DPYSL2: variants seen among roughly 807,000 people sequenced by gnomAD.
DPYSL2 encodes the protein dihydropyrimidinase like 2, also known as dihydropyrimidinase-related protein 2.
Under a neutral mutation model 69.9 loss-of-function variants are expected in DPYSL2, and 13 were observed. The observed-to-expected ratio is 0.19, with a 90% CI of 0.12 to 0.30. The LOEUF (loss-of-function observed/expected upper bound fraction) is 0.30. Among genes scored for constraint, DPYSL2 ranks in the 10% least tolerant of loss-of-function variants. The probability of loss-of-function intolerance (pLI) is 1.00; values close to 1 mark genes in which losing one functional copy is unlikely to be tolerated. For missense variants in DPYSL2, 587 were observed against 918.9 expected (o/e 0.64, Z 4.67); for synonymous variants, 326 against 359.1 (o/e 0.91, Z 1.04).
chr8:26,655,802 T>A lies in DPYSL2; in HGVS notation c.*96T>A. On this transcript the variant is annotated 3_prime_UTR_variant, in exon 14 of 14. Transcript: ENST00000521913. ...TCCTTCCTTTTTTTTTTTTTGTTTT[T>A]TTTTTTAAGAGCCTGTGATAGTTAC... 4 of 1,227,374 alleles carry A rather than the reference T, an allele frequency of 3.3e-6. No individual in the cohort carries two copies. The highest frequency in any genetic ancestry group is 4.4e-6 in the Non-Finnish European group (4 of 913,760). 76.0% of individuals were successfully genotyped at this position (1,227,374 alleles called of 1,614,324 possible).
rs188328056 is a variant in DPYSL2 at position 26,544,926 on chromosome 8, A to G, written c.354+30247A>G. On this transcript the variant is annotated intron_variant, in intron 1 of 13. Transcript: ENST00000521913. ...GTAGACACAAGGAAGATCATTTTAT[A>G]GTGATAAAAAGGTCAGTTCTACAGG... Among the ~76,000 whole-genome samples the G allele has an allele frequency of 7.2e-5, 11 of 152,366 alleles. No individual in the cohort carries two copies. In the East Asian group the frequency reaches 1.9e-3, roughly 27 times the overall value.
chr8:26,578,089 G>T, intron 1 of DPYSL2: 2 of 1,499,220 alleles, frequency 1.3e-6, no homozygotes, highest in Non-Finnish European at 1.8e-6. Flanking sequence ...GCATTCATCC[G>T]TTACGTTCTT....
intron 1 of DPYSL2, among the ~76,000 whole-genome samples, chr8:26,557,373 G>A (rs7831430): frequency 0.87 from 132,900 of 151,940 alleles, 58,523 homozygotes; most frequent in East Asian, 0.99. Flanking sequence ...ACACCCAATA[G>A]AAAAGTGGGC....
rs182039961 is a variant in DPYSL2 at position 26,616,855 on chromosome 8, G to T, written c.629-7288G>T. ...AGGTGGGATCACAGGCTGAGTGAAG[G>T]CTCCTCATCCTCCCTCCTCCCTTCT... On this transcript the variant is annotated intron_variant, in intron 3 of 13. Transcript: ENST00000521913. Among the ~76,000 whole-genome samples the T allele has an allele frequency of 2.2e-3, 339 of 152,088 alleles. 1 individual carries two copies. Among genetic ancestry groups the T allele is most frequent in the African/African-American group, 7.9e-3 (326 of 41,480 alleles).
In DPYSL2 at chr8:26,627,077, CA is replaced by C. The variant is rs896985085; in HGVS notation, c.856-131del. The C allele has an allele frequency of 8.1e-6, 6 of 742,812 alleles. No individual in the cohort carries two copies. Among genetic ancestry groups the C allele is most frequent in the African/African-American group, 1.8e-5 (1 of 56,776 alleles). 46.0% of individuals were successfully genotyped at this position (742,812 alleles called of 1,614,324 possible). Reference sequence around the variant, plus strand: ...GCCAGTAACATTGCCCTCATCATATCAAAAAAAGTCAGGCTAATAGAATCGC... The same window carrying C: ...GCCAGTAACATTGCCCTCATCATATCAAAAAAGTCAGGCTAATAGAATCGC... On this transcript the variant is annotated intron_variant, in intron 5 of 13. Transcript: ENST00000521913. This position sits in a 1 kb window ranked among gnomAD's most constrained non-coding sequence, Gnocchi z 6.9.
intron 7 of DPYSL2, among the ~76,000 whole-genome samples, chr8:26,631,193 C>CGAAA (rs1802764001): frequency 1.3e-5 from 2 of 152,208 alleles, no homozygotes. Flanking sequence ...CATCCATTTT[C>CGAAA]ATACTACTGT....
At chr8:26,515,590 C>T (rs17055374) in intron 1 of DPYSL2, among the ~76,000 whole-genome samples, 9,474 of 152,250 alleles carry the variant, frequency 0.062, 1,003 homozygotes, top group African/African-American at 0.22. Flanking sequence ...CACTTTCTGA[C>T]AAATATGAAC....
chr8:26,592,314 G>A (rs547496363), intron 3 of DPYSL2, among the ~76,000 whole-genome samples: 7 of 152,150 alleles, frequency 4.6e-5, no homozygotes, highest in East Asian at 3.9e-4. Flanking sequence ...CACTACACCC[G>A]GCTAATTTTT....
At chr8:26,634,329 A>G (rs1039762958) in intron 7 of DPYSL2, among the ~76,000 whole-genome samples, 2 of 151,376 alleles carry the variant, frequency 1.3e-5, no homozygotes, top group Admixed American at 1.3e-4. Flanking sequence ...TGGTGGTGCA[A>G]TCTCAGCTTA....
intron 1 of DPYSL2, among the ~76,000 whole-genome samples, chr8:26,534,178 C>T (rs1800556095): frequency 6.6e-6 from 1 of 152,100 alleles, no homozygotes; most frequent in Non-Finnish European, 1.5e-5. Context: ...GACTATTTCA[C>T]TTAATATTTT....
intron 1 of DPYSL2, among the ~76,000 whole-genome samples, chr8:26,556,254 A>G (rs1387046613): frequency 4.4e-4 from 4 of 9,128 alleles, no homozygotes; most frequent in African/African-American, 1.2e-3. Flanking sequence ...TATATAGTAT[A>G]TATATACTAT....
At position 26,580,186 on chromosome 8, in the gene DPYSL2, G is replaced by C. The variant is rs181827931; in HGVS notation, c.355-1783G>C. 1.2e-3 allele frequency among the ~76,000 whole-genome samples: 179 copies of C among 152,236 alleles called. No homozygotes were observed. Among genetic ancestry groups the C allele is most frequent in the Non-Finnish European group, 1.5e-3 (103 of 68,012 alleles). On this transcript the variant is annotated intron_variant, in intron 1 of 13. Coordinates refer to ENST00000521913, the MANE Select transcript of DPYSL2 (RefSeq NM_001197293.3). The surrounding 1 kb of genome is among the most constrained non-coding windows in gnomAD (Gnocchi z 4.1). ...GTGACTGTGGAGGCAGGAGGTGAAG[G>C]GGGAGGCCTCTCCTTGCCTTCCAGG...
At position 26,634,954 on chromosome 8, in the gene DPYSL2, G is replaced by A. The variant is rs55906521; in HGVS notation, c.1126+54G>A. On this transcript the variant is annotated intron_variant, in intron 8 of 13. Transcript: ENST00000521913. ...GCAGGTGGGGAGGTTTGGAGGGGAGGGGGGCTCCTCACTAGGGAGGGCTCC... is the reference window on the plus strand; with the variant it reads ...GCAGGTGGGGAGGTTTGGAGGGGAGAGGGGCTCCTCACTAGGGAGGGCTCC... The A allele has an allele frequency of 1.2e-5, 19 of 1,607,638 alleles. No homozygotes were observed. The African/African-American group carries it at 2.5e-4, about 21-fold the overall frequency.
In DPYSL2 at chr8:26,648,556, G is replaced by A. The variant is rs1303737922; in HGVS notation, c.1596+756G>A. On this transcript the variant is annotated intron_variant, in intron 11 of 13. Coordinates refer to ENST00000521913, the MANE Select transcript of DPYSL2 (RefSeq NM_001197293.3). The surrounding 1 kb of genome is among the most constrained non-coding windows in gnomAD (Gnocchi z 4.3). ...GTTAGACACTGCCGATTCCTCACAA[G>A]CAACATGGTATAGGCAGAAAAACTG... 6.6e-6 allele frequency among the ~76,000 whole-genome samples: 1 copy of A among 152,200 alleles called. No individual in the cohort carries two copies. The highest frequency in any genetic ancestry group is 1.5e-5 in the Non-Finnish European group (1 of 68,040).
chr8:26,642,180 T>C lies in DPYSL2; in HGVS notation c.1127-1259T>C, dbSNP rs1223908332. On this transcript the variant is annotated intron_variant, in intron 8 of 13. Coordinates refer to ENST00000521913, the MANE Select transcript of DPYSL2 (RefSeq NM_001197293.3). The surrounding 1 kb of genome is among the most constrained non-coding windows in gnomAD (Gnocchi z 5.3). ...ACCATTTAATCAATTTAACACACGT[T>C]TTTGGAGTGCCTACTATGTGCAGGC... 6.6e-6 allele frequency among the ~76,000 whole-genome samples: 1 copy of C among 152,120 alleles called. No homozygotes were observed. Among genetic ancestry groups the C allele is most frequent in the Non-Finnish European group, 1.5e-5 (1 of 68,034 alleles).
Position 26,641,770 on chromosome 8 carries a change from G to A in DPYSL2, c.1127-1669G>A, listed in dbSNP as rs370350960. ...TGGAGTCCTCCCTCCTGCTGGGGGT[G>A]GGGGCGTGGTTGCTGGTGGCCTGGA... On this transcript the variant is annotated intron_variant, in intron 8 of 13. Coordinates refer to ENST00000521913, the MANE Select transcript of DPYSL2 (RefSeq NM_001197293.3). This position sits in a 1 kb window ranked among gnomAD's most constrained non-coding sequence, Gnocchi z 4.1. Among the ~76,000 whole-genome samples, 46 of 152,278 alleles carry A rather than the reference G, an allele frequency of 3.0e-4. No homozygotes were observed. The highest frequency in any genetic ancestry group is 1.1e-3 in the African/African-American group (46 of 41,562).
At chr8:26,540,477 T>A (rs1238250082) in intron 1 of DPYSL2, among the ~76,000 whole-genome samples, 1 of 152,150 alleles carries the variant, frequency 6.6e-6, no homozygotes, top group Non-Finnish European at 1.5e-5. Flanking sequence ...TTCCACAGAT[T>A]GTTGGAGGGA....
In DPYSL2 at chr8:26,588,818, G is replaced by A. The variant is rs1181151670; in HGVS notation, c.628+4835G>A. ...CGGTGCCCAGTCCTGGAGAGGGCTC[G>A]CTGGAGGTTGTGCTGGCGGTATCTG... On this transcript the variant is annotated intron_variant, in intron 3 of 13. Coordinates refer to ENST00000521913, the MANE Select transcript of DPYSL2 (RefSeq NM_001197293.3). The surrounding 1 kb of genome is among the most constrained non-coding windows in gnomAD (Gnocchi z 5.4). Among the ~76,000 whole-genome samples the A allele has an allele frequency of 3.3e-5, 5 of 152,136 alleles. No homozygotes were observed. The highest frequency in any genetic ancestry group is 1.2e-4 in the African/African-American group (5 of 41,410).
At chr8:26,526,369 A>G (rs1256664231) in intron 1 of DPYSL2, among the ~76,000 whole-genome samples, 1 of 152,200 alleles carries the variant, frequency 6.6e-6, no homozygotes, top group South Asian at 2.1e-4. Flanking sequence ...CTGGGATTAC[A>G]GGAGTGAGCC....
Sources: allele counts gnomAD v4.1 joint callset (sites outside exome capture counted in the v4.1 genomes callset), GRCh38; gene constraint gnomAD v4.1.1; non-coding constraint Gnocchi (gnomAD v3.1); transcripts MANE v1.5; gene names NCBI Gene and HGNC (gene_info 2026-07-23, HGNC 2026-07-21).